Variants in PHTF2 observed in about 807,000 individuals in gnomAD.
PHTF2 encodes the protein putative homeodomain transcription factor 2.
Under a neutral mutation model 101.2 loss-of-function variants are expected in PHTF2, and 60 were observed. The observed-to-expected ratio is 0.59, with a 90% CI of 0.48 to 0.73. The LOEUF is 0.73. Ranked by LOEUF, PHTF2 falls within the 30% of genes least tolerant of loss-of-function variation. PHTF2 has a pLI of 0.00. For missense variants in PHTF2, 747 were observed against 908.7 expected, an observed-to-expected ratio of 0.82 and a Z score of 2.29; for synonymous variants, 311 against 307.3, an observed-to-expected ratio of 1.01 and a Z score of -0.13.
intron 18 of PHTF2, among the ~76,000 whole-genome samples, chr7:77,953,235 T>C (rs970816326): frequency 1.3e-5 from 2 of 152,346 alleles, no homozygotes; most frequent in Middle Eastern, 3.4e-3. Context: ...ATTTGTTGCA[T>C]GTCTACTAAA....
chr7:77,953,376 T>C (rs1038816730), intron 18 of PHTF2, among the ~76,000 whole-genome samples: 2 of 152,198 alleles, frequency 1.3e-5, no homozygotes, highest in African/African-American at 4.8e-5. Context: ...ATGAATTGAC[T>C]CAAAGAGGAG....
chr7:77,903,608 T>C (rs1213204443), intron 7 of PHTF2, among the ~76,000 whole-genome samples: 3 of 152,226 alleles, frequency 2.0e-5, no homozygotes, highest in Non-Finnish European at 4.4e-5. Flanking sequence ...TTAAATGAGA[T>C]ATTTTTAAGT....
chr7:77,819,831 C>T (rs1222827946), intron 1 of PHTF2, among the ~76,000 whole-genome samples: 1 of 152,098 alleles, frequency 6.6e-6, no homozygotes, highest in African/African-American at 2.4e-5. Flanking sequence ...CCTAAAGGTT[C>T]AGTAAAATTC....
intron 9 of PHTF2, among the ~76,000 whole-genome samples, chr7:77,915,903 A>G (rs1194244521): frequency 6.6e-6 from 1 of 152,176 alleles, no homozygotes; most frequent in Non-Finnish European, 1.5e-5. Flanking sequence ...GATCTAAGAA[A>G]ATAGCATTAA....
intron 16 of PHTF2, among the ~76,000 whole-genome samples, chr7:77,945,766 G>A (rs1182808321): frequency 6.6e-6 from 1 of 151,888 alleles, no homozygotes; most frequent in African/African-American, 2.4e-5. Context: ...CTATTAAAAC[G>A]GACTCAAAAA....
chr7:77,830,163 A>T (rs1794972794), intron 1 of PHTF2, among the ~76,000 whole-genome samples: 1 of 152,228 alleles, frequency 6.6e-6, no homozygotes, highest in Admixed American at 6.5e-5. Flanking sequence ...GCACATACAG[A>T]TAAGTACACT....
At chr7:77,945,849 C>G (rs118174976) in intron 16 of PHTF2, among the ~76,000 whole-genome samples, 1,850 of 152,228 alleles carry the variant, frequency 0.012, 16 homozygotes, top group Middle Eastern at 0.031. Flanking sequence ...ATGCCACCAA[C>G]AAAAATCCTC....
chr7:77,805,364 GTT>G (rs1404801607), intron 1 of PHTF2, among the ~76,000 whole-genome samples: 1 of 152,058 alleles, frequency 6.6e-6, no homozygotes, highest in Admixed American at 6.6e-5. Context: ...CAAAGAACCA[GTT>G]TTTCGTTTTC....
chr7:77,922,764 C>G, exon 11 of PHTF2: 1 of 1,596,112 alleles, frequency 6.3e-7, no homozygotes. Flanking sequence ...TTATAAGAAA[C>G]ATTACCCTAA....
At chr7:77,947,322 G>C (rs190696228) in intron 16 of PHTF2, among the ~76,000 whole-genome samples, 20 of 152,040 alleles carry the variant, frequency 1.3e-4, no homozygotes, top group Admixed American at 1.0e-3. Flanking sequence ...AGCACTTTGG[G>C]AGGCCTACGT....
chr7:77,935,131 A>G (rs2428940), intron 12 of PHTF2, among the ~76,000 whole-genome samples: 5 of 28,524 alleles, frequency 1.8e-4, no homozygotes, highest in African/African-American at 3.6e-4. Context: ...CCCCCCCCCC[A>G]CACACACACA....
intron 3 of PHTF2, among the ~76,000 whole-genome samples, chr7:77,879,148 C>G (rs78248562): frequency 8.5e-4 from 130 of 152,320 alleles, no homozygotes; most frequent in African/African-American, 3.1e-3. Context: ...CAGACCATCT[C>G]TTAGTGGTAT....
chr7:77,817,619 C>A (rs1186745956), intron 1 of PHTF2, among the ~76,000 whole-genome samples: 1 of 152,138 alleles, frequency 6.6e-6, no homozygotes, highest in Non-Finnish European at 1.5e-5. Flanking sequence ...CCAGGTCCTT[C>A]CCATGACACA....
chr7:77,922,582 T>G, intron 10 of PHTF2, 41 bp from the exon 10 acceptor site: 1 of 1,527,350 alleles, frequency 6.5e-7, no homozygotes, highest in Non-Finnish European at 8.9e-7. Flanking sequence ...AAAGGTTGGT[T>G]AGAAATTACC....
chr7:77,888,477 G>A (rs114786218), intron 3 of PHTF2, among the ~76,000 whole-genome samples: 3,159 of 152,246 alleles, frequency 0.021, 92 homozygotes, highest in African/African-American at 0.071. Context: ...ATGTTGAATA[G>A]GCCCTTTTCT....
intron 2 of PHTF2, among the ~76,000 whole-genome samples, chr7:77,850,163 G>A (rs1368800920): frequency 6.7e-6 from 1 of 148,834 alleles, no homozygotes. Context: ...TCAGCCTGGG[G>A]AACATGGCTC....
chr7:77,836,059 G>C (rs900400261), intron 1 of PHTF2, among the ~76,000 whole-genome samples: 1 of 147,670 alleles, frequency 6.8e-6, no homozygotes, highest in Non-Finnish European at 1.5e-5. Flanking sequence ...CAGAGGTTGC[G>C]GTGAGCTGAG....
chr7:77,949,552 T>G, intron 16 of PHTF2, 126 bp from the exon 16 acceptor site: 1 of 595,006 alleles, frequency 1.7e-6, no homozygotes, highest in Non-Finnish European at 2.9e-6. Flanking sequence ...TTAAAATATT[T>G]CATAATTAAT....
At chr7:77,912,434 A>G (rs1359230153) in intron 9 of PHTF2, among the ~76,000 whole-genome samples, 5 of 152,296 alleles carry the variant, frequency 3.3e-5, no homozygotes, top group African/African-American at 1.2e-4. Context: ...TAAGACAGGA[A>G]GTGCTTAAAC....
Sources: allele counts gnomAD v4.1 joint callset (sites outside exome capture counted in the v4.1 genomes callset), GRCh38; gene constraint gnomAD v4.1.1; transcripts MANE v1.5; gene names NCBI Gene and HGNC (gene_info 2026-07-23, HGNC 2026-07-21).